AKAP19: variants seen among roughly 807,000 people sequenced by gnomAD.
AKAP19 encodes the protein A-kinase anchoring protein 19, also known as small A-kinase anchoring protein.
chr2:190,095,223 A>C, the AKAP19 span, among the ~76,000 whole-genome samples: 1 of 152,010 alleles, frequency 6.6e-6, no homozygotes, highest in African/African-American at 2.4e-5. Context: ...CTCTGTCTCA[A>C]AAAAAAAGTA....
At chr2:190,065,393 T>C in the AKAP19 span, among the ~76,000 whole-genome samples, 1 of 152,162 alleles carries the variant, frequency 6.6e-6, no homozygotes, top group Non-Finnish European at 1.5e-5. Flanking sequence ...CACAACAGTG[T>C]GAATGTGCTT....
the AKAP19 span, among the ~76,000 whole-genome samples, chr2:189,890,428 A>ACATCTGTAGATGTCTACATG: frequency 6.6e-6 from 1 of 152,202 alleles, no homozygotes; most frequent in Non-Finnish European, 1.5e-5. Context: ...GTAGATGTCT[A>ACATCTGTAGATGTCTACATG]TTAGGTCTGT....
chr2:189,917,210 A>G, the AKAP19 span: 1 of 919,648 alleles, frequency 1.1e-6, no homozygotes, highest in African/African-American at 1.7e-5. Flanking sequence ...AAATGCAGTG[A>G]TCAAAATACT....
the AKAP19 span, among the ~76,000 whole-genome samples, chr2:189,940,383 T>C: frequency 1.3e-5 from 2 of 151,336 alleles, no homozygotes; most frequent in Non-Finnish European, 2.9e-5. Flanking sequence ...GAGGCGGAGC[T>C]TGCAGTGAGC....
chr2:189,922,912 G>A, the AKAP19 span, among the ~76,000 whole-genome samples: 3 of 152,162 alleles, frequency 2.0e-5, no homozygotes, highest in African/African-American at 7.2e-5. Context: ...CACTTTGGGA[G>A]GCTGAGGCGG....
At chr2:189,958,924 T>C in the AKAP19 span, among the ~76,000 whole-genome samples, 1 of 152,126 alleles carries the variant, frequency 6.6e-6, no homozygotes, top group South Asian at 2.1e-4. Context: ...GAGCTGCAAC[T>C]GTATGTGGTA....
At chr2:190,193,532 G>T in the AKAP19 span, among the ~76,000 whole-genome samples, 1 of 152,110 alleles carries the variant, frequency 6.6e-6, no homozygotes, top group East Asian at 1.9e-4. Context: ...AGCCATTAGG[G>T]CCTGGAGGTT....
At chr2:190,125,805 G>C in the AKAP19 span, among the ~76,000 whole-genome samples, 1 of 151,978 alleles carries the variant, frequency 6.6e-6, no homozygotes, top group Non-Finnish European at 1.5e-5. Context: ...ACTTAATTAG[G>C]TTTTGGAAGG....
the AKAP19 span, among the ~76,000 whole-genome samples, chr2:189,933,842 A>G: frequency 6.6e-6 from 1 of 151,986 alleles, no homozygotes; most frequent in Non-Finnish European, 1.5e-5. Context: ...TCACTTTTGG[A>G]CTACTTGATA....
At chr2:190,065,277 T>G in the AKAP19 span, among the ~76,000 whole-genome samples, 1 of 152,112 alleles carries the variant, frequency 6.6e-6, no homozygotes, top group South Asian at 2.1e-4. Context: ...GCATGGTGGT[T>G]GCCAGGGACT....
the AKAP19 span, among the ~76,000 whole-genome samples, chr2:190,127,192 GAA>G: frequency 2.5e-3 from 353 of 141,058 alleles, 3 homozygotes; most frequent in African/African-American, 7.8e-3. Context: ...GCCCTGACTG[GAA>G]AAAAAAAAAA....
chr2:190,126,157 G>A, the AKAP19 span, among the ~76,000 whole-genome samples: 7 of 151,214 alleles, frequency 4.6e-5, no homozygotes, highest in African/African-American at 1.7e-4. Flanking sequence ...CGGGCGTGGT[G>A]GAGCACACCT....
the AKAP19 span, among the ~76,000 whole-genome samples, chr2:189,952,467 G>A: frequency 6.6e-6 from 1 of 151,784 alleles, no homozygotes; most frequent in South Asian, 2.1e-4. Context: ...CTAGATCTTA[G>A]AAATAGAAGT....
the AKAP19 span, among the ~76,000 whole-genome samples, chr2:190,194,114 G>A: frequency 6.6e-6 from 1 of 152,160 alleles, no homozygotes; most frequent in Admixed American, 6.5e-5. Context: ...GGGGTGGTTA[G>A]AAATTGTACT....
the AKAP19 span, among the ~76,000 whole-genome samples, chr2:190,104,880 GA>G: frequency 6.6e-6 from 1 of 151,998 alleles, no homozygotes; most frequent in Admixed American, 6.6e-5. Flanking sequence ...CAACAAACAT[GA>G]AAAAATGCCC....
At chr2:189,980,486 C>G in the AKAP19 span, among the ~76,000 whole-genome samples, 2 of 152,244 alleles carry the variant, frequency 1.3e-5, no homozygotes, top group Admixed American at 1.3e-4. Flanking sequence ...AAGCATGCAC[C>G]ACCATGCCCA....
the AKAP19 span, among the ~76,000 whole-genome samples, chr2:190,006,510 C>T: frequency 0.2 from 30,951 of 151,462 alleles, 3,380 homozygotes; most frequent in African/African-American, 0.29. Flanking sequence ...ATTAGCTGGG[C>T]GTGATGGCGG....
the AKAP19 span, among the ~76,000 whole-genome samples, chr2:189,916,478 T>C: frequency 6.6e-6 from 1 of 151,848 alleles, no homozygotes; most frequent in Non-Finnish European, 1.5e-5. Context: ...TGCACCACCA[T>C]GCCCAGCTAA....
chr2:189,932,715 A>G, the AKAP19 span, among the ~76,000 whole-genome samples: 30 of 151,998 alleles, frequency 2.0e-4, no homozygotes, highest in South Asian at 6.2e-3. Flanking sequence ...TTCAAAAAAA[A>G]AAAAAAAAGA....
Sources: gnomAD v4.1 joint callset for allele counts (sites outside exome capture counted in the v4.1 genomes callset) on GRCh38, gnomAD v4.1.1 for gene constraint, MANE v1.5 for transcripts, NCBI Gene and HGNC (gene_info 2026-07-23, HGNC 2026-07-21) for gene names.